PAX5: variants seen among roughly 807,000 people sequenced by gnomAD.
The protein encoded by PAX5 is paired box protein Pax-5.
In PAX5, 9 loss-of-function variants were observed where a neutral mutation model predicts 43.7. The observed-to-expected ratio is 0.21, with a 90% confidence interval of 0.12 to 0.36. The LOEUF is 0.36. Ranked by LOEUF, PAX5 falls within the 10% of genes least tolerant of loss-of-function variation. The pLI is 1.00. For synonymous variants in PAX5, 228 were observed against 214.3 expected (o/e 1.06, Z -0.56); for missense variants, 383 against 532.7 (o/e 0.72, Z 2.77).
chr9:36,900,569 G>C (rs1291212510), intron 7 of PAX5, among the ~76,000 whole-genome samples: 1 of 152,188 alleles, frequency 6.6e-6, no homozygotes, highest in African/African-American at 2.4e-5. Context: ...GACTGCTACA[G>C]CCTCCAAGAT....
chr9:36,852,600 A>G (rs1484607403), intron 8 of PAX5, among the ~76,000 whole-genome samples: 2 of 152,242 alleles, frequency 1.3e-5, no homozygotes, highest in Admixed American at 1.3e-4. Flanking sequence ...GACGCGGAGC[A>G]GAGGAGCCCG....
rs541903486 is a variant in PAX5, at chr9:36,838,175, C to T, written c.*2385G>A. The T allele has an allele frequency of 3.9e-5, 9 of 233,292 alleles. No individual in the cohort carries two copies. In the South Asian group the frequency reaches 1.1e-3, roughly 28 times the overall value. The allele number at this position is 233,292 out of a possible 1,614,324, so 14.5% of individuals were successfully genotyped here. ...CCCCAACTACCTCCCTTCTTTGCCC[C>T]GCAGGTTCTGGGTGGGGGCGGGGGT... is the stretch of plus-strand genomic sequence containing the variant. On this transcript the variant is annotated 3_prime_UTR_variant, in exon 10 of 10. Transcript: ENST00000358127.
intron 7 of PAX5, among the ~76,000 whole-genome samples, chr9:36,888,037 T>C (rs1827049538): frequency 6.6e-6 from 1 of 152,202 alleles, no homozygotes; most frequent in Non-Finnish European, 1.5e-5. Flanking sequence ...TTCAACATCA[T>C]TAGCTCTCAG....
chr9:36,905,007 G>A (rs569826796), intron 7 of PAX5, among the ~76,000 whole-genome samples: 1 of 152,358 alleles, frequency 6.6e-6, no homozygotes, highest in East Asian at 1.9e-4. Context: ...ATAATGGTGG[G>A]CTGATCAAGG....
At chr9:36,916,302 G>A (rs10120397) in intron 7 of PAX5, among the ~76,000 whole-genome samples, 4,306 of 152,092 alleles carry the variant, frequency 0.028, 205 homozygotes, top group African/African-American at 0.099. Flanking sequence ...TATGCTGTTC[G>A]TCTGTTTACT....
At chr9:37,003,757 A>G (rs1838149845) in intron 4 of PAX5, among the ~76,000 whole-genome samples, 1 of 152,226 alleles carries the variant, frequency 6.6e-6, no homozygotes, top group South Asian at 2.1e-4. Flanking sequence ...GGATCACTTG[A>G]GCCCAGGAAG....
intron 8 of PAX5, among the ~76,000 whole-genome samples, chr9:36,866,921 C>T (rs1481810441): frequency 2.0e-5 from 3 of 152,152 alleles, no homozygotes; most frequent in Non-Finnish European, 4.4e-5. Context: ...GGCTAACAGC[C>T]TTCAAAGCTT....
chr9:36,955,819 A>G (rs1415287426), intron 6 of PAX5, among the ~76,000 whole-genome samples: 2 of 151,230 alleles, frequency 1.3e-5, no homozygotes, highest in Admixed American at 6.6e-5. Context: ...ACACACATAT[A>G]TATATAATGC....
At chr9:36,862,253 G>A (rs546628013) in intron 8 of PAX5, among the ~76,000 whole-genome samples, 1 of 152,294 alleles carries the variant, frequency 6.6e-6, no homozygotes, top group South Asian at 2.1e-4. Context: ...GTAAACTGAG[G>A]AGGGGTGTGG....
intron 2 of PAX5, among the ~76,000 whole-genome samples, chr9:37,018,588 A>AAAAAAAAAAAAC (rs369531887): frequency 1.3e-5 from 2 of 150,960 alleles, no homozygotes; most frequent in Non-Finnish European, 3.0e-5. Flanking sequence ...AAAAAAAAAA[A>AAAAAAAAAAAAC]TCTGTGGATT....
intron 5 of PAX5, among the ~76,000 whole-genome samples, chr9:36,971,490 A>G (rs1034195819): frequency 6.6e-6 from 1 of 152,360 alleles, no homozygotes; most frequent in East Asian, 1.9e-4. Flanking sequence ...TCTTGGAGGC[A>G]GGCTACAGAA....
intron 7 of PAX5, among the ~76,000 whole-genome samples, chr9:36,890,028 G>T (rs1406523607): frequency 6.6e-6 from 1 of 150,658 alleles, no homozygotes; most frequent in African/African-American, 2.5e-5. Context: ...GGTTCTCATC[G>T]TGTGGCAGTA....
chr9:37,012,833 T>C (rs779814562), intron 3 of PAX5, among the ~76,000 whole-genome samples: 16 of 152,240 alleles, frequency 1.1e-4, no homozygotes, highest in Admixed American at 2.0e-4. Flanking sequence ...AATAAATGTA[T>C]TAGAAAACAA....
intron 6 of PAX5, among the ~76,000 whole-genome samples, chr9:36,928,718 C>T (rs1420466299): frequency 6.6e-6 from 1 of 152,196 alleles, no homozygotes; most frequent in African/African-American, 2.4e-5. Context: ...AAGCCACATC[C>T]CTATCCAACA....
chr9:36,994,028 T>A (rs994226570), intron 5 of PAX5, among the ~76,000 whole-genome samples: 1 of 152,116 alleles, frequency 6.6e-6, no homozygotes, highest in Non-Finnish European at 1.5e-5. Flanking sequence ...GGGCTCTCGC[T>A]CACTGAATCA....
chr9:36,884,825 G>A (rs1826776855), intron 7 of PAX5, among the ~76,000 whole-genome samples: 1 of 152,232 alleles, frequency 6.6e-6, no homozygotes, highest in African/African-American at 2.4e-5. Flanking sequence ...GCCTTGTGCA[G>A]GACTTGAGCA....
intron 5 of PAX5, among the ~76,000 whole-genome samples, chr9:36,972,506 T>C (rs1014184870): frequency 1.3e-5 from 2 of 152,182 alleles, no homozygotes; most frequent in Non-Finnish European, 2.9e-5. Context: ...ATTGACTTAT[T>C]TTCCCATTTT....
intron 1 of PAX5, 92 bp downstream of exon 1, chr9:37,033,894 G>C (rs150432925): frequency 2.7e-6 from 3 of 1,110,376 alleles, no homozygotes; most frequent in Admixed American, 1.9e-5. Flanking sequence ...AATGCGGCGC[G>C]CCCCCTCCTC....
chr9:36,873,026 AC>A (rs1825625133), intron 8 of PAX5, among the ~76,000 whole-genome samples: 1 of 152,084 alleles, frequency 6.6e-6, no homozygotes, highest in Non-Finnish European at 1.5e-5. Flanking sequence ...GGGGCTTCTC[AC>A]GCACTGGTCC....
Sources: gnomAD v4.1 joint callset for allele counts (sites outside exome capture counted in the v4.1 genomes callset) on GRCh38, gnomAD v4.1.1 for gene constraint, MANE v1.5 for transcripts, NCBI Gene and HGNC (gene_info 2026-07-23, HGNC 2026-07-21) for gene names.